Variants in C1orf167 observed in about 807,000 individuals in gnomAD.
C1orf167 encodes the protein chromosome 1 open reading frame 167.
Under a neutral mutation model 176.5 loss-of-function variants are expected in C1orf167, and 153 were observed. The observed-to-expected ratio is 0.87, with a 90% CI of 0.76 to 0.99. C1orf167 has a LOEUF of 0.99. Ranked by LOEUF, C1orf167 falls within the 50% of genes least tolerant of loss-of-function variation. C1orf167 has a pLI of 0.00. For synonymous variants in C1orf167, 594 were observed against 752.7 expected, an observed-to-expected ratio of 0.79 and a Z score of 3.45; for missense variants, 1,490 against 1,817.7, an observed-to-expected ratio of 0.82 and a Z score of 3.28.
rs761655634 is a variant in C1orf167, at chr1:11,766,404, C to A, written c.618C>A (p.Ser206Arg). The change falls in exon 3 of 21, where the codon AGC becomes AGA. Residue 206 changes from serine (S) to arginine (R), a missense_variant. Physicochemically the swap from Ser to Arg is moderately radical, Grantham distance 110 (BLOSUM62 -1). Transcript: ENST00000688073. This position sits in a 1 kb window ranked among gnomAD's most constrained non-coding sequence, Gnocchi z 4.5. ...PGLRSWGGLG[S>R]WRSRLVGEPL... Reference sequence around the variant, plus strand: ...TCAGATCCTGGGGTGGTCTGGGGAGCTGGAGGTCCAGGCTGGTGGGGGAAC... The same window carrying A: ...TCAGATCCTGGGGTGGTCTGGGGAGATGGAGGTCCAGGCTGGTGGGGGAAC... The A allele has an allele frequency of 7.8e-7, 1 of 1,274,560 alleles. No individual in the cohort carries two copies. The highest frequency in any genetic ancestry group is 1.0e-6 in the Non-Finnish European group (1 of 981,562). 79.0% of individuals were successfully genotyped at this position (1,274,560 alleles called of 1,614,324 possible).
intron 13 of C1orf167, 85 bp downstream of exon 13, chr1:11,780,095 A>G: frequency 9.5e-7 from 1 of 1,052,112 alleles, no homozygotes; most frequent in Non-Finnish European, 1.2e-6. Context: ...CTGGCCAACA[A>G]CTTGACTGTA....
At chr1:11,788,585 G>T in intron 19 of C1orf167, 67 bp from the exon 20 acceptor site, 1 of 1,246,418 alleles carries the variant, frequency 8.0e-7, no homozygotes, top group Middle Eastern at 2.2e-4. Flanking sequence ...GGGGAGAAAG[G>T]CAGAAGGGCT....
In C1orf167 at chr1:11,778,699, C is replaced by T. The variant is rs1476938676; in HGVS notation, c.2379C>T (p.Arg793=). The T allele has an allele frequency of 1.5e-6, 2 of 1,303,456 alleles. No homozygotes were observed. The highest frequency in any genetic ancestry group is 1.1e-4 in the East Asian group (2 of 17,974). The allele number at this position is 1,303,456 out of a possible 1,614,324, so 80.7% of individuals were successfully genotyped here. ...FQGLQQRMLQ[R]SLRWWHLRAL... ...GCCTGCAGCAGCGGATGCTGCAGCG[C>T]AGCCTGAGATGGTGGCACTTGAGGG... Residue 793 remains arginine (R), a synonymous_variant, in exon 11 of 21, where the codon CGC becomes CGT. Transcript: ENST00000688073.
At chr1:11,783,886 T>A (rs1643706835) in intron 14 of C1orf167, among the ~76,000 whole-genome samples, 1 of 152,138 alleles carries the variant, frequency 6.6e-6, no homozygotes, top group South Asian at 2.1e-4. Flanking sequence ...AGATGGAGTT[T>A]CACTCTTGTC....
At chr1:11,775,961 C>T (rs1224784761) in intron 9 of C1orf167, among the ~76,000 whole-genome samples, 1 of 152,180 alleles carries the variant, frequency 6.6e-6, no homozygotes, top group Non-Finnish European at 1.5e-5. Flanking sequence ...ATCCCCACCC[C>T]AAAACTTAAC....
chr1:11,788,921 G>A, intron 20 of C1orf167, 175 bp downstream of exon 20: 1 of 449,222 alleles, frequency 2.2e-6, no homozygotes. Flanking sequence ...GGATGCTGGA[G>A]CCCTTGCTTT....
intron 8 of C1orf167, among the ~76,000 whole-genome samples, chr1:11,772,855 C>CTT (rs55638126): frequency 1.4e-5 from 2 of 144,960 alleles, no homozygotes; most frequent in Non-Finnish European, 3.0e-5. Flanking sequence ...CTATGAGTTT[C>CTT]TTTTTTTGCT....
intron 9 of C1orf167, 59 bp downstream of exon 9, chr1:11,775,669 G>A: frequency 8.0e-7 from 1 of 1,251,520 alleles, no homozygotes; most frequent in Non-Finnish European, 1.0e-6. Context: ...CTTCTTCAGT[G>A]GTCCCCAGTT....
Position 11,772,088 on chromosome 1 carries a change from T to G in C1orf167, c.1817T>G (p.Phe606Cys), listed in dbSNP as rs1389845505. ...ILQALQLAVF[F>C]LWCQQKKRAR... ...CTCCTCCCTCTCTCCTTAGTGTTCT[T>G]CCTGTGGTGCCAACAGAAGAAACGG... is the stretch of plus-strand genomic sequence containing the variant. The change falls in exon 8 of 21, where the codon TTC (phenylalanine) becomes TGC (cysteine). Residue 606 changes from phenylalanine (F) to cysteine (C), a missense_variant. Coordinates refer to ENST00000688073, the MANE Select transcript of C1orf167 (RefSeq NM_001010881.2). 1 of 1,303,558 alleles carries G rather than the reference T, an allele frequency of 7.7e-7. No homozygotes were observed. The highest frequency in any genetic ancestry group is 2.3e-5 in the Admixed American group (1 of 43,414). 80.7% of individuals were successfully genotyped at this position (1,303,558 alleles called of 1,614,324 possible).
At chr1:11,767,301 TG>T (rs1216894938) in intron 4 of C1orf167, 37 bp downstream of exon 4, 5 of 1,235,016 alleles carry the variant, frequency 4.0e-6, no homozygotes, top group African/African-American at 1.5e-5. Flanking sequence ...GGGTTGGAGT[TG>T]GGGGACACGT....
chr1:11,769,021 G>A lies in C1orf167; in HGVS notation c.1591G>A (p.Ala531Thr), dbSNP rs1398201520. 1.0e-6 allele frequency: 1 copy of A among 985,794 alleles called. No individual in the cohort carries two copies. Among genetic ancestry groups the A allele is most frequent in the African/African-American group, 1.7e-5 (1 of 57,226 alleles). The allele number at this position is 985,794 out of a possible 1,614,324, so 61.1% of individuals were successfully genotyped here. A position where few individuals can be genotyped will look rare whatever the true frequency, so the allele number is the denominator to read the frequency against. Reference sequence around the variant, plus strand: ...GAAACAAGTACAGCCCCACATGCAGGCTGGGCCAGGGTCCCCGCCCTCCAG... The same window carrying A: ...GAAACAAGTACAGCCCCACATGCAGACTGGGCCAGGGTCCCCGCCCTCCAG... ...QQKQVQPHMQ[A>T]GPGSPPSRRA... Residue 531 changes from alanine to threonine, a missense_variant, in exon 6 of 21, where the codon GCT becomes ACT. By Grantham distance (58) the Ala-to-Thr change is moderately conservative (BLOSUM62 0). Coordinates refer to ENST00000688073, the MANE Select transcript of C1orf167 (RefSeq NM_001010881.2).
At chr1:11,787,748 G>A in intron 17 of C1orf167, 125 bp from the exon 18 acceptor site, 1 of 1,154,202 alleles carries the variant, frequency 8.7e-7, no homozygotes, top group South Asian at 1.7e-5. Flanking sequence ...ATGGGGGCAG[G>A]GCACAAGGCT....
chr1:11,778,858 G>A (rs1390304983), intron 11 of C1orf167, 42 bp downstream of exon 11: 1 of 1,293,380 alleles, frequency 7.7e-7, no homozygotes, highest in Non-Finnish European at 1.0e-6. Flanking sequence ...GCAGGTAGGG[G>A]TGGATGGGTG....
At chr1:11,774,663 G>C (rs530130190) in intron 8 of C1orf167, among the ~76,000 whole-genome samples, 22 of 152,314 alleles carry the variant, frequency 1.4e-4, no homozygotes, top group Admixed American at 7.2e-4. Context: ...TACAGGGTAG[G>C]GGGGCTGAGG....
intron 14 of C1orf167, among the ~76,000 whole-genome samples, chr1:11,783,783 G>A (rs75559897): frequency 0.062 from 9,399 of 152,294 alleles, 341 homozygotes; most frequent in Middle Eastern, 0.095. Flanking sequence ...GAGATTTGCA[G>A]GTGTAACTTT....
At position 11,775,621 on chromosome 1, in the gene C1orf167, G is replaced by A. The variant is rs1335468736; in HGVS notation, c.2164+11G>A. ...GCCGGCAGAAAGCAGGTGAGCTAGT[G>A]TTGGCTTCCGCCCCAGCAAACCGTG... On this transcript the variant is annotated intron_variant, in intron 9 of 20. Coordinates refer to ENST00000688073, the MANE Select transcript of C1orf167 (RefSeq NM_001010881.2). 1 of 1,297,950 alleles carries A rather than the reference G, an allele frequency of 7.7e-7. No homozygotes were observed. Among genetic ancestry groups the A allele is most frequent in the South Asian group, 1.2e-5 (1 of 80,154 alleles). The allele number at this position is 1,297,950 out of a possible 1,614,324, so 80.4% of individuals were successfully genotyped here.
intron 9 of C1orf167, among the ~76,000 whole-genome samples, chr1:11,775,957 A>G (rs998659695): frequency 1.3e-5 from 2 of 152,018 alleles, no homozygotes; most frequent in Non-Finnish European, 2.9e-5. Context: ...CCTAATCCCC[A>G]CCCCAAAACT....
At position 11,776,538 on chromosome 1, in the gene C1orf167, G is replaced by A. The variant is rs1266315445; in HGVS notation, c.2239G>A (p.Glu747Lys). 7.7e-7 allele frequency: 1 copy of A among 1,292,016 alleles called. No homozygotes were observed. The highest frequency in any genetic ancestry group is 2.4e-5 in the Admixed American group (1 of 41,018). The allele number at this position is 1,292,016 out of a possible 1,614,324, so 80.0% of individuals were successfully genotyped here. ...GAVGQAQGQQ[E>K]QGRGSLQDAC... ...AGTGGGCCAGGCCCAGGGGCAGCAGGAGCAAGGCCGGGGCTCCCTGCAGGA... is the reference window on the plus strand; with the variant it reads ...AGTGGGCCAGGCCCAGGGGCAGCAGAAGCAAGGCCGGGGCTCCCTGCAGGA... Residue 747 changes from glutamate (E) to lysine (K), a missense_variant, in exon 10 of 21, where the codon GAG becomes AAG. Glu to Lys is a moderately conservative substitution (Grantham distance 56, BLOSUM62 1). Coordinates refer to ENST00000688073, the MANE Select transcript of C1orf167 (RefSeq NM_001010881.2).
rs1415684985 is a variant in C1orf167 at position 11,789,322 on chromosome 1, C to A, written c.4226C>A (p.Ala1409Asp). ...GCAGCCAGGAGCCCAAGGAGAGGAG[C>A]TGCCAGTAGCCCAAGACCCTGGAGC... ...RLAARSPRRG[A>D]ASSPRPWSKP... Residue 1409 changes from alanine to aspartate, a missense_variant, in exon 21 of 21, where the codon GCT becomes GAT. Transcript: ENST00000688073. The A allele has an allele frequency of 7.7e-7, 1 of 1,304,024 alleles. No homozygotes were observed. The highest frequency in any genetic ancestry group is 1.0e-6 in the Non-Finnish European group (1 of 988,924). The allele number at this position is 1,304,024 out of a possible 1,614,324, so 80.8% of individuals were successfully genotyped here.
Sources: gnomAD v4.1 joint callset for allele counts (sites outside exome capture counted in the v4.1 genomes callset) on GRCh38, gnomAD v4.1.1 for gene constraint, Gnocchi (gnomAD v3.1) non-coding constraint, MANE v1.5 for transcripts, NCBI Gene and HGNC (gene_info 2026-07-23, HGNC 2026-07-21) for gene names.